SOX6: variants seen among roughly 807,000 people sequenced by gnomAD.
SOX6 encodes SRY-box transcription factor 6, also known as transcription factor SOX-6.
Under a neutral mutation model 97.8 loss-of-function variants are expected in SOX6, and 11 were observed. That is an observed-to-expected ratio of 0.11 (90% CI 0.07 to 0.19). The LOEUF (loss-of-function observed/expected upper bound fraction) is 0.19. Among genes scored for constraint, SOX6 ranks in the 10% least tolerant of loss-of-function variants. The pLI, the probability that SOX6 is intolerant of heterozygous loss-of-function variation, is 1.00. For synonymous variants in SOX6, 360 were observed against 371.4 expected (o/e 0.97, Z 0.35); for missense variants, 810 against 1,039.5 (o/e 0.78, Z 3.04).
chr11:16,064,883 G>A (rs563180398), intron 9 of SOX6, among the ~76,000 whole-genome samples: 7 of 151,744 alleles, frequency 4.6e-5, no homozygotes, highest in South Asian at 2.1e-4. Flanking sequence ...AATAAAAGCC[G>A]TATATGACAG....
chr11:16,568,514 A>G (rs1386726067), intron 4 of SOX6, among the ~76,000 whole-genome samples: 1 of 152,154 alleles, frequency 6.6e-6, no homozygotes, highest in Non-Finnish European at 1.5e-5. Flanking sequence ...GATAGGTGTG[A>G]TGGTTGCATA....
Position 16,173,519 on chromosome 11 carries a change from T to A in SOX6, c.777+10367A>T, listed in dbSNP as rs369040964. ...TTAAGTATATGATGTTTAGGGCAAA[T>A]GTCTTTGAGTATTAAAATTATTTGT... is the stretch of plus-strand genomic sequence containing the variant. On this transcript the variant is annotated intron_variant, in intron 6 of 15. Coordinates refer to ENST00000683767, the MANE Select transcript of SOX6 (RefSeq NM_001367873.1). 1.1e-4 allele frequency among the ~76,000 whole-genome samples: 16 copies of A among 151,844 alleles called. No homozygotes were observed. The East Asian group carries it at 1.6e-3, about 15-fold the overall frequency.
At chr11:16,491,406 G>A (rs1349410993) in intron 4 of SOX6, among the ~76,000 whole-genome samples, 3 of 152,100 alleles carry the variant, frequency 2.0e-5, no homozygotes, top group Non-Finnish European at 4.4e-5. Flanking sequence ...GCTACACTAT[G>A]TCATGGATTG....
At chr11:16,401,484 T>A (rs1858556936) in intron 1 of SOX6, among the ~76,000 whole-genome samples, 1 of 151,598 alleles carries the variant, frequency 6.6e-6, no homozygotes, top group Non-Finnish European at 1.5e-5. Context: ...GTTAGACATG[T>A]TTTTTTATAA....
chr11:16,083,890 C>T (rs1168473998), intron 9 of SOX6, among the ~76,000 whole-genome samples: 3 of 152,104 alleles, frequency 2.0e-5, no homozygotes, highest in African/African-American at 7.2e-5. Context: ...CACATGGAAC[C>T]AGTGGTAGAG....
chr11:16,542,731 G>A (rs1387284587), intron 4 of SOX6, among the ~76,000 whole-genome samples: 1 of 152,108 alleles, frequency 6.6e-6, no homozygotes, highest in Non-Finnish European at 1.5e-5. Context: ...ATTCTGTTGA[G>A]CTATAACAGA....
chr11:16,567,893 C>A (rs1348753674), intron 4 of SOX6, among the ~76,000 whole-genome samples: 1 of 147,264 alleles, frequency 6.8e-6, no homozygotes, highest in Non-Finnish European at 1.5e-5. Flanking sequence ...TTTTTTTTTA[C>A]TGTTAAGAAC....
At chr11:16,273,399 A>G (rs1335936188) in intron 3 of SOX6, among the ~76,000 whole-genome samples, 35 of 151,912 alleles carry the variant, frequency 2.3e-4, no homozygotes, top group Admixed American at 2.3e-3. Flanking sequence ...TGTCTGACAG[A>G]TGTAAATAAT....
chr11:16,706,249 G>A (rs1258707216), intron 3 of SOX6, among the ~76,000 whole-genome samples: 1 of 150,002 alleles, frequency 6.7e-6, no homozygotes, highest in Non-Finnish European at 1.5e-5. Flanking sequence ...AGACCAGCCT[G>A]GACAACAAAG....
intron 9 of SOX6, among the ~76,000 whole-genome samples, chr11:16,087,630 A>C (rs2133963370): frequency 6.6e-6 from 1 of 152,246 alleles, no homozygotes; most frequent in East Asian, 1.9e-4. Flanking sequence ...AGGAAAAAAA[A>C]ACTGAGGATA....
At chr11:16,584,249 C>A (rs1293692665) in intron 4 of SOX6, among the ~76,000 whole-genome samples, 1 of 151,964 alleles carries the variant, frequency 6.6e-6, no homozygotes, top group Non-Finnish European at 1.5e-5. Context: ...GGAATCACAC[C>A]ACAAAAAAGG....
chr11:16,710,770 G>C (rs1319596345), intron 3 of SOX6, among the ~76,000 whole-genome samples: 1 of 152,026 alleles, frequency 6.6e-6, no homozygotes, highest in Non-Finnish European at 1.5e-5. Context: ...TCTATACTTA[G>C]CCACGACTTT....
At chr11:15,979,037 T>TA (rs1853585400) in intron 15 of SOX6, among the ~76,000 whole-genome samples, 4 of 71,094 alleles carry the variant, frequency 5.6e-5, no homozygotes, top group African/African-American at 1.7e-4. Context: ...TTTATATATA[T>TA]TTTACATATA....
At chr11:16,173,190 C>T (rs910099046) in intron 6 of SOX6, among the ~76,000 whole-genome samples, 1 of 151,890 alleles carries the variant, frequency 6.6e-6, no homozygotes, top group Non-Finnish European at 1.5e-5. Context: ...AAGTTGGCAT[C>T]CACACAACTG....
At chr11:16,294,709 A>G (rs1855018479) in intron 3 of SOX6, among the ~76,000 whole-genome samples, 2 of 152,104 alleles carry the variant, frequency 1.3e-5, no homozygotes, top group South Asian at 4.1e-4. Context: ...CATTTTCTAG[A>G]TTCTTTAAAC....
chr11:16,568,218 C>A (rs1847898405), intron 4 of SOX6, among the ~76,000 whole-genome samples: 1 of 151,924 alleles, frequency 6.6e-6, no homozygotes, highest in Non-Finnish European at 1.5e-5. Context: ...AAAAAAAAAT[C>A]CAAAATTCAA....
chr11:16,183,853 T>A (rs1205366862), intron 6 of SOX6, 33 bp downstream of exon 6: 1 of 1,595,852 alleles, frequency 6.3e-7, no homozygotes, highest in Admixed American at 1.7e-5. Flanking sequence ...AGTATCTAAG[T>A]ATAATCAGAC....
rs2119726666 is a variant in SOX6 at position 15,968,491 on chromosome 11, G to A, written c.*4318C>T. ...GAGTAAATTGAGAGAAGCAGCCTCA[G>A]CTGTGCTGTTCAAGTGACCAGGCTG... On this transcript the variant is annotated 3_prime_UTR_variant, in exon 16 of 16. Coordinates refer to ENST00000683767, the MANE Select transcript of SOX6 (RefSeq NM_001367873.1). 6.6e-6 allele frequency: 1 copy of A among 152,306 alleles called. No homozygotes were observed. 9.4% of individuals were successfully genotyped at this position (152,306 alleles called of 1,614,324 possible).
chr11:16,275,857 A>G (rs1854384220), intron 3 of SOX6, among the ~76,000 whole-genome samples: 1 of 152,196 alleles, frequency 6.6e-6, no homozygotes, highest in Non-Finnish European at 1.5e-5. Flanking sequence ...ACACTTTATT[A>G]CAAAGGATCA....
Sources: allele counts gnomAD v4.1 joint callset (sites outside exome capture counted in the v4.1 genomes callset), GRCh38; gene constraint gnomAD v4.1.1; transcripts MANE v1.5; gene names NCBI Gene and HGNC (gene_info 2026-07-23, HGNC 2026-07-21).